Variants in CHST9 observed in about 807,000 individuals in gnomAD.
CHST9 encodes GalNAc-4-sulfotransferase 2.
Under a neutral mutation model 44.4 loss-of-function variants are expected in CHST9, and 41 were observed. The observed-to-expected ratio is 0.92, with a 90% confidence interval of 0.72 to 1.20. The LOEUF is 1.20. Ranked by LOEUF, CHST9 falls within the 50% of genes most tolerant of loss-of-function variation. The pLI, the probability that CHST9 is intolerant of heterozygous loss-of-function variation, is 0.00. For missense variants in CHST9, 504 were observed against 516.5 expected, an observed-to-expected ratio of 0.98 and a Z score of 0.23; for synonymous variants, 171 against 178.4, an observed-to-expected ratio of 0.96 and a Z score of 0.33.
At chr18:27,086,925 AG>A (rs1204410815) in intron 2 of CHST9, among the ~76,000 whole-genome samples, 3 of 152,278 alleles carry the variant, frequency 2.0e-5, no homozygotes, top group African/African-American at 7.2e-5. Flanking sequence ...CTCTAACATG[AG>A]GTGGTTTCTT....
At chr18:27,113,708 T>C (rs1324406199) in intron 2 of CHST9, among the ~76,000 whole-genome samples, 1 of 152,194 alleles carries the variant, frequency 6.6e-6, no homozygotes, top group Non-Finnish European at 1.5e-5. Context: ...ACCTTGATCT[T>C]AGACTTCCCA....
chr18:27,141,041 TG>T (rs2058560032), intron 2 of CHST9, among the ~76,000 whole-genome samples: 1 of 152,086 alleles, frequency 6.6e-6, no homozygotes, highest in African/African-American at 2.4e-5. Flanking sequence ...CCAAGGCAGG[TG>T]GATCACTTGA....
intron 4 of CHST9, among the ~76,000 whole-genome samples, chr18:27,016,545 T>A (rs2057156685): frequency 6.6e-6 from 1 of 152,256 alleles, no homozygotes; most frequent in African/African-American, 2.4e-5. Context: ...TGATTAACTC[T>A]CCCCTCAGAC....
intron 2 of CHST9, among the ~76,000 whole-genome samples, chr18:27,138,342 G>A (rs2058534280): frequency 6.6e-6 from 1 of 152,064 alleles, no homozygotes; most frequent in Non-Finnish European, 1.5e-5. Flanking sequence ...TCTGCCCATG[G>A]AGGCAGCTTG....
At chr18:26,946,484 G>T (rs2056164718) in intron 4 of CHST9, among the ~76,000 whole-genome samples, 1 of 152,172 alleles carries the variant, frequency 6.6e-6, no homozygotes, top group Admixed American at 6.5e-5. Flanking sequence ...CTGCAAAGAA[G>T]TCAGGTAGAC....
At chr18:27,182,108 A>G (rs1276919564) in intron 1 of CHST9, among the ~76,000 whole-genome samples, 1 of 145,424 alleles carries the variant, frequency 6.9e-6, no homozygotes, top group Admixed American at 7.1e-5. Flanking sequence ...ATGATTTTAC[A>G]TTATCTTTGC....
At chr18:27,163,890 C>G (rs551191706) in intron 1 of CHST9, among the ~76,000 whole-genome samples, 3 of 152,252 alleles carry the variant, frequency 2.0e-5, no homozygotes, top group African/African-American at 7.2e-5. Context: ...AGAAATCACC[C>G]GTCTTCTGTG....
intron 1 of CHST9, among the ~76,000 whole-genome samples, chr18:27,176,457 C>A (rs901791512): frequency 2.6e-5 from 4 of 151,778 alleles, no homozygotes; most frequent in Non-Finnish European, 5.9e-5. Context: ...AAAATCAAAG[C>A]CTTGGTAATG....
chr18:27,151,946 T>C (rs1384821598), intron 1 of CHST9, among the ~76,000 whole-genome samples: 1 of 152,210 alleles, frequency 6.6e-6, no homozygotes, highest in Non-Finnish European at 1.5e-5. Flanking sequence ...CAATGCCATT[T>C]GCAAAGTATC....
intron 2 of CHST9, among the ~76,000 whole-genome samples, chr18:27,057,566 T>C (rs1221256637): frequency 6.6e-6 from 1 of 152,250 alleles, no homozygotes; most frequent in South Asian, 2.1e-4. Context: ...TTAGTTGATA[T>C]GTTGCTAGGA....
In CHST9 at chr18:27,182,462, A is replaced by C. The variant is rs752199264; in HGVS notation, c.-97+2674T>G. On this transcript the variant is annotated intron_variant, in intron 1 of 5. Transcript: ENST00000618847. ...ACATCAATTATTTGCAAAGTGTGAA[A>C]AAGATCATCACTATCTTTTTCCTCA... is the stretch of plus-strand genomic sequence containing the variant. 1.0e-3 allele frequency among the ~76,000 whole-genome samples: 158 copies of C among 152,214 alleles called. 3 individuals are homozygous for C. Among genetic ancestry groups the C allele is most frequent in the Non-Finnish European group, 3.2e-4 (22 of 68,040 alleles).
intron 4 of CHST9, among the ~76,000 whole-genome samples, chr18:27,004,682 A>G (rs2056993594): frequency 6.6e-6 from 1 of 152,158 alleles, no homozygotes; most frequent in African/African-American, 2.4e-5. Flanking sequence ...ATTTTGTTCT[A>G]ACGGTTTCCC....
At chr18:26,978,297 G>T (rs1380497245) in intron 4 of CHST9, among the ~76,000 whole-genome samples, 1 of 151,840 alleles carries the variant, frequency 6.6e-6, no homozygotes, top group Non-Finnish European at 1.5e-5. Context: ...GTGTGTGTGT[G>T]TGTGTGCTGC....
intron 4 of CHST9, among the ~76,000 whole-genome samples, chr18:27,006,896 C>G (rs2057023346): frequency 6.6e-6 from 1 of 152,154 alleles, no homozygotes; most frequent in African/African-American, 2.4e-5. Context: ...ATGGCAATAT[C>G]AAACACAGCA....
At position 26,912,372 on chromosome 18, in the gene CHST9, AATACAC is replaced by A. The variant is rs71169891; in HGVS notation, c.*3881_*3886del. On this transcript the variant is annotated 3_prime_UTR_variant, in exon 6 of 6. Transcript: ENST00000618847. ...TTGAAATGTGATAACTAACTAGCTA[AATACAC>A]ACACACACACACACACACACACACA... 0.13 allele frequency: 19,238 copies of A among 146,066 alleles called. 1,379 individuals are homozygous for A. Among genetic ancestry groups the A allele is most frequent in the South Asian group, 0.23 (1,025 of 4,496 alleles). 9.0% of individuals were successfully genotyped at this position (146,066 alleles called of 1,614,324 possible).
At chr18:26,959,862 G>C (rs1332145212) in intron 4 of CHST9, among the ~76,000 whole-genome samples, 2 of 152,150 alleles carry the variant, frequency 1.3e-5, no homozygotes, top group African/African-American at 4.8e-5. Flanking sequence ...TAACCTTGAG[G>C]ATGGGGGATC....
chr18:27,109,653 T>C (rs954894387), intron 2 of CHST9, among the ~76,000 whole-genome samples: 51 of 152,210 alleles, frequency 3.4e-4, no homozygotes, highest in African/African-American at 1.2e-3. Flanking sequence ...CCAGATCTAA[T>C]TGGTGCTGAC....
intron 2 of CHST9, among the ~76,000 whole-genome samples, chr18:27,061,432 G>C (rs2143614315): frequency 6.6e-6 from 1 of 152,330 alleles, no homozygotes; most frequent in Non-Finnish European, 1.5e-5. Context: ...CTCTTCCCCA[G>C]CCAGGCACTG....
chr18:27,144,351 T>C (rs2058594587), intron 1 of CHST9, among the ~76,000 whole-genome samples: 2 of 152,182 alleles, frequency 1.3e-5, no homozygotes, highest in Admixed American at 6.5e-5. Flanking sequence ...ATTGCTTGTC[T>C]GGTTAAAGGA....
Sources: allele counts gnomAD v4.1 joint callset (sites outside exome capture counted in the v4.1 genomes callset), GRCh38; gene constraint gnomAD v4.1.1; transcripts MANE v1.5; gene names NCBI Gene and HGNC (gene_info 2026-07-23, HGNC 2026-07-21).